The following TTC38 variants were observed in gnomAD, a reference collection of about 807,000 sequenced individuals.
TTC38 encodes the protein tetratricopeptide repeat protein 38.
In TTC38, 64 loss-of-function variants were observed where a neutral mutation model predicts 64.2. That is an observed-to-expected ratio of 1.00 (90% CI 0.81 to 1.23). The LOEUF (loss-of-function observed/expected upper bound fraction) is 1.23, where lower values mean the gene tolerates loss of function less well. TTC38 is among the 50% of genes most tolerant of loss of function. The pLI, the probability that TTC38 is intolerant of heterozygous loss-of-function variation, is 0.00. For missense variants in TTC38, 573 were observed against 615.5 expected (o/e 0.93, Z 0.73); for synonymous variants, 254 against 249.3 (o/e 1.02, Z -0.18).
chr22:46,279,830 G>A (rs138677194), intron 6 of TTC38, among the ~76,000 whole-genome samples: 2,918 of 152,288 alleles, frequency 0.019, 39 homozygotes, highest in Non-Finnish European at 0.029. Context: ...GTCCCTTGGA[G>A]ACCATGGTAG....
At chr22:46,284,192 T>G (rs969730150) in intron 8 of TTC38, among the ~76,000 whole-genome samples, 160 bp downstream of exon 8, 1 of 152,194 alleles carries the variant, frequency 6.6e-6, no homozygotes, top group Non-Finnish European at 1.5e-5. Context: ...TTTTTAGGGA[T>G]TTTTTCACTG....
intron 5 of TTC38, among the ~76,000 whole-genome samples, chr22:46,277,459 G>A (rs924704013): frequency 2.6e-5 from 4 of 152,154 alleles, no homozygotes; most frequent in East Asian, 3.9e-4. Flanking sequence ...ACCAAAATTA[G>A]CTGGGCGAGG....
Position 46,289,510 on chromosome 22 carries a change from G to C in TTC38, c.1191G>C (p.Leu397=), listed in dbSNP as rs752340824. ...GGAACCCTGACCGCGTCCTGGAGCTGCTCCTGCCCATCCGCTACCGGATCG... is the reference window on the plus strand; with the variant it reads ...GGAACCCTGACCGCGTCCTGGAGCTCCTCCTGCCCATCCGCTACCGGATCG... ...EDGNPDRVLE[L]LLPIRYRIVQ... is the part of the protein sequence containing the mutation. The change falls in exon 12 of 14, where the codon CTG becomes CTC. Residue 397 remains leucine, a synonymous_variant. Transcript: ENST00000381031. 6 of 1,607,378 alleles carry C rather than the reference G, an allele frequency of 3.7e-6. No individual in the cohort carries two copies. The highest frequency in any genetic ancestry group is 1.3e-5 in the African/African-American group (1 of 75,008).
Position 46,275,388 on chromosome 22 carries a change from ACC to A in TTC38, c.509_510del (p.Pro170LeufsTer5). 6.2e-7 allele frequency: 1 copy of A among 1,613,920 alleles called. No homozygotes were observed. Among genetic ancestry groups the A allele is most frequent in the South Asian group, 1.1e-5 (1 of 91,040 alleles). On this transcript the variant is annotated frameshift_variant, in exon 5 of 14. Coordinates refer to ENST00000381031, the MANE Select transcript of TTC38 (RefSeq NM_017931.4). LOFTEE classifies it high-confidence loss of function. This position sits in a 1 kb window ranked among gnomAD's most constrained non-coding sequence, Gnocchi z 4.5. ...ATGAGAGATTCTGTTGCTCGAATTT[ACC>A]CCTTCTGGACACCTGACATCCCCCT...
rs368115185 is a variant in TTC38, at chr22:46,272,425, C to T, written c.193+9C>T. On this transcript the variant is annotated intron_variant, in intron 3 of 13. Transcript: ENST00000381031. The surrounding 1 kb of genome is among the most constrained non-coding windows in gnomAD (Gnocchi z 6.4). The stretch of plus-strand genomic sequence containing the variant: ...AGCAGATCCAACCTTTGGTGAGTAA[C>T]GCCTTCCCTGGGTGGAGGAGCCCCG... 52 of 1,610,426 alleles carry T rather than the reference C, an allele frequency of 3.2e-5. No homozygotes were observed. The highest frequency in any genetic ancestry group is 2.0e-4 in the African/African-American group (15 of 74,792).
rs1193174964 is a variant in TTC38 at position 46,293,685 on chromosome 22, AC to A, written c.*804del. 1 of 152,162 alleles carries A rather than the reference AC, an allele frequency of 6.6e-6. No individual in the cohort carries two copies. Among genetic ancestry groups the A allele is most frequent in the Non-Finnish European group, 1.5e-5 (1 of 68,032 alleles). 9.4% of individuals were successfully genotyped at this position (152,162 alleles called of 1,614,324 possible). A position where few individuals can be genotyped will look rare whatever the true frequency, so the allele number is the denominator to read the frequency against. Reference sequence around the variant, plus strand: ...CTCAGAGCTGCTCTGTTGTGGCAAAACCCAAAGTGCTGTGATGTGTGGCTGT... The same window carrying A: ...CTCAGAGCTGCTCTGTTGTGGCAAAACCAAAGTGCTGTGATGTGTGGCTGT... On this transcript the variant is annotated 3_prime_UTR_variant, in exon 14 of 14. Transcript: ENST00000381031. The surrounding 1 kb of genome is among the most constrained non-coding windows in gnomAD (Gnocchi z 6.6).
chr22:46,284,122 C>T lies in TTC38; in HGVS notation c.795+90C>T, dbSNP rs143770866. 9.3e-6 allele frequency: 10 copies of T among 1,070,894 alleles called. No individual in the cohort carries two copies. In the African/African-American group the frequency reaches 9.5e-5, roughly 10 times the overall value. 66.3% of individuals were successfully genotyped at this position (1,070,894 alleles called of 1,614,324 possible). On this transcript the variant is annotated intron_variant, in intron 8 of 13. Transcript: ENST00000381031. ...CTAGCTTTTGCTATGTATTCACATC[C>T]GTTGGAGCCCTGATGCAATGGAGCA...
rs760566083 is a variant in TTC38, at chr22:46,271,247, T to C, written c.112-1088T>C. On this transcript the variant is annotated intron_variant, in intron 2 of 13. Coordinates refer to ENST00000381031, the MANE Select transcript of TTC38 (RefSeq NM_017931.4). The surrounding 1 kb of genome is among the most constrained non-coding windows in gnomAD (Gnocchi z 5.5). ...CTTTTCTTTCTTTTCTTTTTTCTTTTTTTTCTTTTTTGAGACAGAGTCTCA... is the reference window on the plus strand; with the variant it reads ...CTTTTCTTTCTTTTCTTTTTTCTTTCTTTTCTTTTTTGAGACAGAGTCTCA... Among the ~76,000 whole-genome samples the C allele has an allele frequency of 4.6e-5, 7 of 152,112 alleles. No individual in the cohort carries two copies. The highest frequency in any genetic ancestry group is 9.7e-5 in the African/African-American group (4 of 41,424).
At position 46,275,743 on chromosome 22, in the gene TTC38, G is replaced by A. The variant is rs1936994137; in HGVS notation, c.539+322G>A. 6.6e-6 allele frequency among the ~76,000 whole-genome samples: 1 copy of A among 152,170 alleles called. No homozygotes were observed. Among genetic ancestry groups the A allele is most frequent in the African/African-American group, 2.4e-5 (1 of 41,436 alleles). On this transcript the variant is annotated intron_variant, in intron 5 of 13. Coordinates refer to ENST00000381031, the MANE Select transcript of TTC38 (RefSeq NM_017931.4). The surrounding 1 kb of genome is among the most constrained non-coding windows in gnomAD (Gnocchi z 4.5). ...ACGTGGCTACCTTAGAAGGGCTGAG[G>A]GCTCTGCCACCATGTCCTTGTCTCC...
chr22:46,288,438 A>G lies in TTC38; in HGVS notation c.932A>G (p.Gln311Arg). ...ATGTCCTCAGGAGTGTCTGTGGGCC[A>G]GCGGTGGCAGGATGTCCTGCCTGTG... The part of the protein sequence containing the change: ...RLQMEGVSVG[Q>R]RWQDVLPVAR... The change falls in exon 11 of 14, where the codon CAG (glutamine) becomes CGG (arginine). Residue 311 changes from glutamine to arginine, a missense_variant. By Grantham distance (43) the Gln-to-Arg change is conservative. Around this residue, in one of 3 missense-constraint regions of TTC38, gnomAD observed 371 missense variants for 381.8 expected, o/e 0.97. Coordinates refer to ENST00000381031, the MANE Select transcript of TTC38 (RefSeq NM_017931.4). The G allele has an allele frequency of 6.2e-7, 1 of 1,613,754 alleles. No homozygotes were observed.
At chr22:46,269,114 G>A (rs780640357) in intron 2 of TTC38, 12 of 438,790 alleles carry the variant, frequency 2.7e-5, no homozygotes. Flanking sequence ...GTCCTAAAAG[G>A]GCCTCTGCAC....
intron 10 of TTC38, among the ~76,000 whole-genome samples, chr22:46,287,650 C>A (rs2077581433): frequency 6.6e-6 from 1 of 152,222 alleles, no homozygotes; most frequent in South Asian, 2.1e-4. Context: ...ACTGGGGTGC[C>A]AGATGGTTCT....
At position 46,287,080 on chromosome 22, in the gene TTC38, C is replaced by G; in HGVS notation, c.842C>G (p.Pro281Arg). Residue 281 changes from proline to arginine, a missense_variant, in exon 10 of 14, where the codon CCC becomes CGC. By Grantham distance (103) the Pro-to-Arg change is moderately radical. Transcript: ENST00000381031. ...ALTIYDTHIL[P>R]SLQANDAMLD... The stretch of plus-strand genomic sequence containing the variant: ...GGCCGCCCTGTCTTCCAGATCCTTC[C>G]CAGCCTGCAGGCCAACGATGCAATG... 1 of 1,600,778 alleles carries G rather than the reference C, an allele frequency of 6.2e-7. No individual in the cohort carries two copies. The highest frequency in any genetic ancestry group is 1.7e-5 in the Admixed American group (1 of 59,688).
In TTC38 at chr22:46,271,900, G is replaced by A. The variant is rs149713653; in HGVS notation, c.112-435G>A. On this transcript the variant is annotated intron_variant, in intron 2 of 13. Coordinates refer to ENST00000381031, the MANE Select transcript of TTC38 (RefSeq NM_017931.4). The surrounding 1 kb of genome is among the most constrained non-coding windows in gnomAD (Gnocchi z 5.5). ...TGGGTGATGTGTATTTCATTTCTTC[G>A]TATGAAGAAAGTTATCAGCCAGGTT... Among the ~76,000 whole-genome samples, 7 of 152,168 alleles carry A rather than the reference G, an allele frequency of 4.6e-5. No individual in the cohort carries two copies. Among genetic ancestry groups the A allele is most frequent in the Admixed American group, 2.6e-4 (4 of 15,276 alleles).
intron 6 of TTC38, chr22:46,280,148 G>A (rs549774385): frequency 1.2e-4 from 58 of 471,280 alleles, no homozygotes; most frequent in African/African-American, 1.0e-3. Flanking sequence ...GGGGCCAGGA[G>A]TGGTAACACA....
chr22:46,275,490 G>A lies in TTC38; in HGVS notation c.539+69G>A. The A allele has an allele frequency of 6.8e-7, 1 of 1,481,094 alleles. No individual in the cohort carries two copies. Among genetic ancestry groups the A allele is most frequent in the Non-Finnish European group, 9.2e-7 (1 of 1,084,540 alleles). 91.7% of individuals were successfully genotyped at this position (1,481,094 alleles called of 1,614,324 possible). A position where few individuals can be genotyped will look rare whatever the true frequency, so the allele number is the denominator to read the frequency against. ...CTCTTTTCTGCCCTAAAAATATGGT[G>A]ACTCTCTTGGCCCTGTCCTAAAAAT... On this transcript the variant is annotated intron_variant, in intron 5 of 13. Transcript: ENST00000381031. The surrounding 1 kb of genome is among the most constrained non-coding windows in gnomAD (Gnocchi z 4.5).
intron 8 of TTC38, 106 bp downstream of exon 8, chr22:46,284,138 C>A: frequency 2.2e-6 from 2 of 905,436 alleles, no homozygotes; most frequent in Non-Finnish European, 3.4e-6. Context: ...AGCCCTGATG[C>A]AATGGAGCAT....
rs1441448429 is a variant in TTC38, at chr22:46,269,142, G to C, written c.111+551G>C. On this transcript the variant is annotated intron_variant, in intron 2 of 13. Coordinates refer to ENST00000381031, the MANE Select transcript of TTC38 (RefSeq NM_017931.4). Reference sequence around the variant, plus strand: ...CTCTGCACTCTCCCTTCTTCCCCAGGACTCTGAGTGGTGGGTGGACAGCGG... The same window carrying C: ...CTCTGCACTCTCCCTTCTTCCCCAGCACTCTGAGTGGTGGGTGGACAGCGG... 2.3e-5 allele frequency: 10 copies of C among 438,142 alleles called. No individual in the cohort carries two copies. In the Admixed American group the frequency reaches 2.8e-4, roughly 12 times the overall value. 27.1% of individuals were successfully genotyped at this position (438,142 alleles called of 1,614,324 possible). A position where few individuals can be genotyped will look rare whatever the true frequency, so the allele number is the denominator to read the frequency against.
In TTC38 at chr22:46,273,023, G is replaced by T. The variant is rs997852194; in HGVS notation, c.193+607G>T. On this transcript the variant is annotated intron_variant, in intron 3 of 13. Transcript: ENST00000381031. This position sits in a 1 kb window ranked among gnomAD's most constrained non-coding sequence, Gnocchi z 5.1. ...GAGGGGACAGGGCTCTTGTCAGTGC[G>T]GCAGGGACACCCTTCTCACCCTGCT... Among the ~76,000 whole-genome samples the T allele has an allele frequency of 1.3e-5, 2 of 152,190 alleles. No individual in the cohort carries two copies. The highest frequency in any genetic ancestry group is 4.8e-5 in the African/African-American group (2 of 41,444).
Sources: allele counts gnomAD v4.1 joint callset (sites outside exome capture counted in the v4.1 genomes callset), GRCh38; gene constraint gnomAD v4.1.1; regional missense constraint gnomAD v4.1.1; non-coding constraint Gnocchi (gnomAD v3.1); transcripts MANE v1.5; gene names NCBI Gene and HGNC (gene_info 2026-07-23, HGNC 2026-07-21).